Variants in SIPA1L1 observed in about 807,000 individuals in gnomAD.
SIPA1L1 encodes the protein signal induced proliferation associated 1 like 1, also known as signal-induced proliferation-associated 1-like protein 1.
Under a neutral mutation model 162.7 loss-of-function variants are expected in SIPA1L1, and 26 were observed. That is an observed-to-expected ratio of 0.16 (90% CI 0.12 to 0.22). The LOEUF is 0.22. Ranked by LOEUF, SIPA1L1 falls within the 10% of genes least tolerant of loss-of-function variation. SIPA1L1 has a pLI of 1.00. For synonymous variants in SIPA1L1, 829 were observed against 837.4 expected (o/e 0.99, Z 0.17); for missense variants, 1,874 against 2,241.0 (o/e 0.84, Z 3.31).
At chr14:71,373,508 C>G (rs947368845) in intron 2 of SIPA1L1, among the ~76,000 whole-genome samples, 7 of 150,672 alleles carry the variant, frequency 4.6e-5, no homozygotes, top group African/African-American at 1.7e-4. Context: ...GCCTGTAATC[C>G]CAGCTACCCG....
chr14:71,645,667 G>T (rs1047525377), intron 7 of SIPA1L1, among the ~76,000 whole-genome samples: 2 of 152,190 alleles, frequency 1.3e-5, no homozygotes, highest in African/African-American at 4.8e-5. Flanking sequence ...CGGAGAAAAA[G>T]AATGCAAGGA....
At chr14:71,573,676 C>G (rs1383499192) in intron 4 of SIPA1L1, 1 of 456,720 alleles carries the variant, frequency 2.2e-6, no homozygotes, top group Admixed American at 2.3e-5. Context: ...TTGCAGAGCT[C>G]AACAACATGA....
chr14:71,686,236 A>G lies in SIPA1L1; in HGVS notation c.3374+605A>G, dbSNP rs558421174. Among the ~76,000 whole-genome samples the G allele has an allele frequency of 3.1e-3, 470 of 152,296 alleles. 4 individuals carry two copies. The highest frequency in any genetic ancestry group is 0.011 in the African/African-American group (441 of 41,558). The stretch of plus-strand genomic sequence containing the variant: ...ACTGAGGGGTCCTAGAAAGTAAGAA[A>G]CCAAAGGTTGTTGTTAAATTGAAAG... On this transcript the variant is annotated intron_variant, in intron 13 of 23. Coordinates refer to ENST00000381232, the MANE Select transcript of SIPA1L1 (RefSeq NM_001386936.1).
At chr14:71,565,243 T>C (rs139409556) in intron 4 of SIPA1L1, among the ~76,000 whole-genome samples, 66 of 152,344 alleles carry the variant, frequency 4.3e-4, no homozygotes, top group South Asian at 8.3e-4. Context: ...GTCTGTCTTA[T>C]ATAACACAAC....
chr14:71,409,209 G>T (rs577383435), intron 2 of SIPA1L1, among the ~76,000 whole-genome samples: 175 of 152,294 alleles, frequency 1.1e-3, no homozygotes, highest in African/African-American at 4.0e-3. Flanking sequence ...CTATAAATAA[G>T]GGTGCCTCAT....
chr14:71,637,543 A>G lies in SIPA1L1; in HGVS notation c.1819-12792A>G, dbSNP rs537030379. ...CCAGAAGGTCAGCATTAGCCTGGGC[A>G]ACATAGTGAGACACTGTCTCTACAA... On this transcript the variant is annotated intron_variant, in intron 7 of 23. Transcript: ENST00000381232. 3.3e-3 allele frequency among the ~76,000 whole-genome samples: 498 copies of G among 152,230 alleles called. 1 individual carries two copies. The highest frequency in any genetic ancestry group is 5.5e-3 in the Non-Finnish European group (377 of 68,000).
chr14:71,588,522 C>G lies in SIPA1L1; in HGVS notation c.650C>G (p.Thr217Arg), dbSNP rs1255594550. The change falls in exon 5 of 24, where the codon ACA (threonine) becomes AGA (arginine). Residue 217 changes from threonine to arginine, a missense_variant. Coordinates refer to ENST00000381232, the MANE Select transcript of SIPA1L1 (RefSeq NM_001386936.1). The surrounding 1 kb of genome is among the most constrained non-coding windows in gnomAD (Gnocchi z 4.3). ...GSTSSIDKQG[T>R]SGESFFDLLK... ...ACATCTTCAATTGATAAACAGGGAA[C>G]ATCTGGAGAAAGCTTTTTTGATTTG... 1 of 1,614,000 alleles carries G rather than the reference C, an allele frequency of 6.2e-7. No homozygotes were observed. Among genetic ancestry groups the G allele is most frequent in the Non-Finnish European group, 8.5e-7 (1 of 1,179,992 alleles).
intron 8 of SIPA1L1, among the ~76,000 whole-genome samples, chr14:71,655,388 C>A (rs964944084): frequency 2.0e-5 from 3 of 152,014 alleles, no homozygotes; most frequent in Admixed American, 1.3e-4. Flanking sequence ...ACACTTAGGT[C>A]GATTCCATGC....
Position 71,704,879 on chromosome 14 carries a change from A to G in SIPA1L1, c.3647-343A>G, listed in dbSNP as rs1160612392. ...CAAGCTAGGTTAGCCACACTTGGCA[A>G]TGAATGAATTTCATAAATTTAATTC... On this transcript the variant is annotated intron_variant, in intron 15 of 23. Transcript: ENST00000381232. 6.3e-6 allele frequency: 5 copies of G among 793,600 alleles called. No homozygotes were observed. In the East Asian group the frequency reaches 7.6e-5, roughly 12 times the overall value. 49.2% of individuals were successfully genotyped at this position (793,600 alleles called of 1,614,324 possible). A position where few individuals can be genotyped will look rare whatever the true frequency, so the allele number is the denominator to read the frequency against.
At chr14:71,526,758 A>G (rs774291122) in intron 3 of SIPA1L1, among the ~76,000 whole-genome samples, 2 of 152,198 alleles carry the variant, frequency 1.3e-5, no homozygotes, top group Non-Finnish European at 2.9e-5. Flanking sequence ...CCTGCTCTAT[A>G]ATATTCCATT....
At chr14:71,723,581 G>T (rs547003862) in intron 17 of SIPA1L1, 66 bp from the exon 18 acceptor site, 22 of 1,590,514 alleles carry the variant, frequency 1.4e-5, no homozygotes, top group Non-Finnish European at 1.8e-5. Context: ...CCGTACCCCG[G>T]ACAGCACTTT....
At chr14:71,720,998 G>A (rs1375499466) in intron 17 of SIPA1L1, among the ~76,000 whole-genome samples, 1 of 152,170 alleles carries the variant, frequency 6.6e-6, no homozygotes, top group Non-Finnish European at 1.5e-5. Flanking sequence ...TGTTCTTGAT[G>A]CCTGTGTACA....
chr14:71,483,720 T>C (rs894976259), intron 2 of SIPA1L1, among the ~76,000 whole-genome samples: 1 of 152,196 alleles, frequency 6.6e-6, no homozygotes, highest in Non-Finnish European at 1.5e-5. Context: ...CATGTCACTC[T>C]CCTGCTGAAA....
chr14:71,455,385 A>G (rs1351316125), intron 2 of SIPA1L1, among the ~76,000 whole-genome samples: 1 of 152,186 alleles, frequency 6.6e-6, no homozygotes, highest in Non-Finnish European at 1.5e-5. Context: ...AGGAGGAAGA[A>G]TGGCTTATTC....
intron 18 of SIPA1L1, 97 bp from the exon 19 acceptor site, chr14:71,724,573 T>C: frequency 1.1e-6 from 1 of 882,038 alleles, no homozygotes; most frequent in Non-Finnish European, 1.7e-6. Flanking sequence ...AATATTTCTC[T>C]ATTGACTTAT....
intron 2 of SIPA1L1, among the ~76,000 whole-genome samples, chr14:71,363,812 G>A (rs907874564): frequency 3.3e-5 from 5 of 152,182 alleles, no homozygotes; most frequent in African/African-American, 1.2e-4. Flanking sequence ...AAACAGGCTT[G>A]GGATTTATAA....
At position 71,671,027 on chromosome 14, in the gene SIPA1L1, G is replaced by C. The variant is rs532836709; in HGVS notation, c.2256-92G>C. The C allele has an allele frequency of 1.1e-5, 11 of 985,956 alleles. No individual in the cohort carries two copies. In the East Asian group the frequency reaches 2.7e-4, roughly 24 times the overall value. The allele number at this position is 985,956 out of a possible 1,614,324, so 61.1% of individuals were successfully genotyped here. A position where few individuals can be genotyped will look rare whatever the true frequency, so the allele number is the denominator to read the frequency against. ...AAATAAGCAGCTATTTTGTATCTGA[G>C]GTACATCTTTGTCTTTGAGAAAGTA... is the stretch of plus-strand genomic sequence containing the variant. On this transcript the variant is annotated intron_variant, in intron 10 of 23. Coordinates refer to ENST00000381232, the MANE Select transcript of SIPA1L1 (RefSeq NM_001386936.1).
At chr14:71,455,025 G>C (rs1157569452) in intron 2 of SIPA1L1, among the ~76,000 whole-genome samples, 1 of 152,208 alleles carries the variant, frequency 6.6e-6, no homozygotes, top group Non-Finnish European at 1.5e-5. Flanking sequence ...CACAGAGCCA[G>C]AACCTGCTAG....
At chr14:71,738,924 A>G in intron 23 of SIPA1L1, 94 bp from the exon 24 acceptor site, 2 of 1,415,260 alleles carry the variant, frequency 1.4e-6, no homozygotes, top group Non-Finnish European at 1.9e-6. Context: ...AGAAATGGAC[A>G]AAAGATCAAA....
Sources: gnomAD v4.1 joint callset for allele counts (sites outside exome capture counted in the v4.1 genomes callset) on GRCh38, gnomAD v4.1.1 for gene constraint, Gnocchi (gnomAD v3.1) non-coding constraint, MANE v1.5 for transcripts, NCBI Gene and HGNC (gene_info 2026-07-23, HGNC 2026-07-21) for gene names.